Variants in ANKRD11 observed in about 807,000 individuals in gnomAD.
ANKRD11 encodes the protein ankyrin repeat domain-containing protein 11.
In ANKRD11, 17 loss-of-function variants were observed where a neutral mutation model predicts 195.7. The observed-to-expected ratio is 0.09, with a 90% confidence interval of 0.06 to 0.13. ANKRD11 has a LOEUF of 0.13. ANKRD11 is among the 10% of genes least tolerant of loss of function. ANKRD11 has a pLI of 1.00. For synonymous variants in ANKRD11, 1,953 were observed against 1,528.1 expected (o/e 1.28, Z -6.49); for missense variants, 3,735 against 3,566.1 (o/e 1.05, Z -1.21).
chr16:89,283,296 T>G lies in ANKRD11; in HGVS notation c.3246A>C (p.Gln1082His). The change falls in exon 9 of 13, where the codon CAA (glutamine) becomes CAC (histidine). Residue 1082 changes from glutamine (Q) to histidine (H), a missense_variant. Coordinates refer to ENST00000301030, the MANE Select transcript of ANKRD11 (RefSeq NM_013275.6). This position sits in a 1 kb window ranked among gnomAD's most constrained non-coding sequence, Gnocchi z 4.3. ...AAGCCTTCTCCTTCTTCTCTTTCCC[T>G]TGGTCGAGAGACGCTTTCCTTTCTT... The part of the protein sequence containing the change: ...KDKERKASLD[Q>H]GKEKKEKAFP... 6.2e-7 allele frequency: 1 copy of G among 1,614,194 alleles called. No individual in the cohort carries two copies. The highest frequency in any genetic ancestry group is 1.1e-5 in the South Asian group (1 of 91,092).
At chr16:89,465,953 G>A (rs2056867772) in intron 1 of ANKRD11, among the ~76,000 whole-genome samples, 1 of 152,092 alleles carries the variant, frequency 6.6e-6, no homozygotes, top group African/African-American at 2.4e-5. Context: ...CTCATGATCT[G>A]CCCGCCTCGG....
chr16:89,435,807 C>CACACACAA (rs1033845387), intron 1 of ANKRD11, among the ~76,000 whole-genome samples: 2 of 150,732 alleles, frequency 1.3e-5, no homozygotes, highest in Non-Finnish European at 3.0e-5. Context: ...CACACACACA[C>CACACACAA]ACACACACAC....
intron 1 of ANKRD11, among the ~76,000 whole-genome samples, chr16:89,423,743 G>A (rs557246894): frequency 7.5e-4 from 114 of 152,292 alleles, no homozygotes; most frequent in African/African-American, 2.4e-3. Context: ...GATGTGCTTC[G>A]ATGGTGTAAG....
intron 1 of ANKRD11, among the ~76,000 whole-genome samples, chr16:89,441,389 T>C (rs2043457837): frequency 6.6e-6 from 1 of 152,104 alleles, no homozygotes; most frequent in African/African-American, 2.4e-5. Flanking sequence ...TTTTAAGATC[T>C]TGCACATCCA....
chr16:89,326,686 G>C (rs1371380156), intron 2 of ANKRD11, among the ~76,000 whole-genome samples: 1 of 152,138 alleles, frequency 6.6e-6, no homozygotes, highest in African/African-American at 2.4e-5. Flanking sequence ...AGGCTGCAGT[G>C]AGCTAAGATT....
intron 2 of ANKRD11, among the ~76,000 whole-genome samples, chr16:89,325,772 C>A (rs2151949942): frequency 6.6e-6 from 1 of 152,304 alleles, no homozygotes; most frequent in South Asian, 2.1e-4. Context: ...GAGATAAAGG[C>A]CACACTATGT....
chr16:89,463,334 A>AATT (rs752991021), intron 1 of ANKRD11, among the ~76,000 whole-genome samples: 1 of 152,196 alleles, frequency 6.6e-6, no homozygotes, highest in African/African-American at 2.4e-5. Context: ...TACTAAGAAA[A>AATT]CTTCTGCCTT....
chr16:89,371,939 G>A (rs2040211299), intron 2 of ANKRD11, among the ~76,000 whole-genome samples: 1 of 152,190 alleles, frequency 6.6e-6, no homozygotes, highest in African/African-American at 2.4e-5. Context: ...CAGAACAGGA[G>A]GCTGCTCCAT....
rs185721704 is a variant in ANKRD11, at chr16:89,348,428, T to A, written c.-59-31350A>T. ...AAATTTACATCAGTATTAATGTGGGTGTTTCTCTAATTTTGGTATCAAGGT... is the reference window on the plus strand; with the variant it reads ...AAATTTACATCAGTATTAATGTGGGAGTTTCTCTAATTTTGGTATCAAGGT... On this transcript the variant is annotated intron_variant, in intron 2 of 12. Transcript: ENST00000301030. 2.0e-5 allele frequency among the ~76,000 whole-genome samples: 3 copies of A among 152,276 alleles called. No individual in the cohort carries two copies. The East Asian group carries it at 5.8e-4, about 29-fold the overall frequency.
intron 1 of ANKRD11, among the ~76,000 whole-genome samples, chr16:89,461,629 C>G (rs1567837911): frequency 1.3e-5 from 2 of 152,124 alleles, no homozygotes; most frequent in Non-Finnish European, 2.9e-5. Flanking sequence ...GCGTGAGCCA[C>G]CACACCCCAC....
At chr16:89,290,214 C>T (rs1005950826) in intron 6 of ANKRD11, among the ~76,000 whole-genome samples, 8 of 150,440 alleles carry the variant, frequency 5.3e-5, no homozygotes, top group East Asian at 3.9e-4. Flanking sequence ...GGGAGGCTCA[C>T]GGCTCCAATG....
At chr16:89,376,883 T>A (rs1490986338) in intron 2 of ANKRD11, among the ~76,000 whole-genome samples, 2 of 152,218 alleles carry the variant, frequency 1.3e-5, no homozygotes, top group Non-Finnish European at 2.9e-5. Flanking sequence ...TTTGTGCAAA[T>A]GCAGTAGGGT....
intron 2 of ANKRD11, among the ~76,000 whole-genome samples, chr16:89,385,992 C>T (rs974462537): frequency 6.6e-6 from 1 of 152,208 alleles, no homozygotes; most frequent in African/African-American, 2.4e-5. Flanking sequence ...GCCGGCCTCC[C>T]GCTCAGCCTC....
chr16:89,434,818 G>A (rs879544271), intron 1 of ANKRD11, among the ~76,000 whole-genome samples: 5 of 152,194 alleles, frequency 3.3e-5, no homozygotes, highest in Non-Finnish European at 7.4e-5. Context: ...GAGACGCGGC[G>A]AGGACACTGG....
intron 9 of ANKRD11, chr16:89,277,692 G>C (rs926797615): frequency 6.6e-6 from 1 of 152,318 alleles, no homozygotes; most frequent in South Asian, 2.1e-4. Context: ...GACCGCAGAG[G>C]TCACCGTGGG....
chr16:89,415,226 T>G lies in ANKRD11; in HGVS notation c.-60+3058A>C, dbSNP rs1425973996. Among the ~76,000 whole-genome samples the G allele has an allele frequency of 3.3e-5, 5 of 150,440 alleles. 1 individual carries two copies. In the East Asian group the frequency reaches 9.9e-4, roughly 30 times the overall value. Reference sequence around the variant, plus strand: ...ACCCCTTCCTCCCAAAGTGCTGGGATTACAGGTGGGAGCCACTGCACCTGG... The same window carrying G: ...ACCCCTTCCTCCCAAAGTGCTGGGAGTACAGGTGGGAGCCACTGCACCTGG... On this transcript the variant is annotated intron_variant, in intron 2 of 12. Transcript: ENST00000301030.
At chr16:89,419,877 T>A (rs1338696445) in intron 1 of ANKRD11, among the ~76,000 whole-genome samples, 1 of 152,132 alleles carries the variant, frequency 6.6e-6, no homozygotes, top group African/African-American at 2.4e-5. Flanking sequence ...TCAAGGACCA[T>A]TAAAAATAAG....
intron 4 of ANKRD11, among the ~76,000 whole-genome samples, chr16:89,292,161 C>T (rs993017933): frequency 2.0e-5 from 3 of 152,180 alleles, no homozygotes; most frequent in African/African-American, 4.8e-5. Context: ...AGGCCTGACT[C>T]GGGGAAGAAG....
intron 2 of ANKRD11, among the ~76,000 whole-genome samples, chr16:89,333,955 G>A (rs1011232691): frequency 6.6e-6 from 1 of 151,842 alleles, no homozygotes; most frequent in African/African-American, 2.4e-5. Context: ...TTCAAATGCT[G>A]GCCTAACTGG....
Sources: gnomAD v4.1 joint callset for allele counts (sites outside exome capture counted in the v4.1 genomes callset) on GRCh38, gnomAD v4.1.1 for gene constraint, Gnocchi (gnomAD v3.1) non-coding constraint, MANE v1.5 for transcripts, NCBI Gene and HGNC (gene_info 2026-07-23, HGNC 2026-07-21) for gene names.